The following RABEP1 variants were observed in gnomAD, a reference collection of about 807,000 sequenced individuals.
RABEP1 encodes rab GTPase-binding effector protein 1.
RABEP1 carries 51 observed loss-of-function variants against 123.4 expected under a neutral mutation model. The ratio of observed to expected loss-of-function variants is 0.41; its 90% CI spans 0.33 to 0.52. The LOEUF is 0.52. Among genes scored for constraint, RABEP1 ranks in the 20% least tolerant of loss-of-function variants. The pLI is 0.16. For synonymous variants in RABEP1, 347 were observed against 355.2 expected, an observed-to-expected ratio of 0.98 and a Z score of 0.26; for missense variants, 888 against 996.3, an observed-to-expected ratio of 0.89 and a Z score of 1.46.
chr17:5,358,176 G>A (rs560392070), intron 8 of RABEP1, among the ~76,000 whole-genome samples: 4 of 152,204 alleles, frequency 2.6e-5, no homozygotes, highest in Non-Finnish European at 5.9e-5. Context: ...AAGGCCTCCA[G>A]TAAATCAAAA....
intron 13 of RABEP1, among the ~76,000 whole-genome samples, chr17:5,373,846 TC>T (rs1910749739): frequency 3.9e-5 from 6 of 152,158 alleles, no homozygotes; most frequent in Admixed American, 3.9e-4. Context: ...TTCTGGACTT[TC>T]CTATGAATAG....
chr17:5,284,244 A>G (rs1207101961), intron 1 of RABEP1, among the ~76,000 whole-genome samples: 2 of 152,202 alleles, frequency 1.3e-5, no homozygotes, highest in Non-Finnish European at 2.9e-5. Context: ...GGCTAGGGAA[A>G]ACTAGCTTTA....
At chr17:5,319,327 C>CAAAAAAAAA (rs200353804) in intron 2 of RABEP1, among the ~76,000 whole-genome samples, 2 of 114,694 alleles carry the variant, frequency 1.7e-5, no homozygotes, top group East Asian at 2.9e-4. Flanking sequence ...GACTCTGTCT[C>CAAAAAAAAA]AAAAAAAAAA....
intron 5 of RABEP1, among the ~76,000 whole-genome samples, chr17:5,345,340 C>T (rs1030452516): frequency 2.4e-4 from 37 of 152,170 alleles, no homozygotes; most frequent in African/African-American, 8.7e-4. Context: ...TTTGTACCCT[C>T]TCCTTGTCAC....
At chr17:5,370,828 C>T (rs1164281271) in intron 12 of RABEP1, among the ~76,000 whole-genome samples, 3 of 151,978 alleles carry the variant, frequency 2.0e-5, no homozygotes, top group African/African-American at 7.3e-5. Context: ...TAAGTAAAGG[C>T]CAACATTTCT....
chr17:5,306,755 T>G (rs1264259271), intron 1 of RABEP1, among the ~76,000 whole-genome samples: 2 of 148,206 alleles, frequency 1.3e-5, no homozygotes, highest in Non-Finnish European at 3.0e-5. Flanking sequence ...GTCATTTGAT[T>G]GCTACTTTTT....
intron 8 of RABEP1, among the ~76,000 whole-genome samples, chr17:5,358,164 G>T (rs190374382): frequency 3.3e-5 from 5 of 152,248 alleles, no homozygotes; most frequent in Admixed American, 2.6e-4. Context: ...TTCACAGCCA[G>T]CAAGGCCTCC....
chr17:5,283,544 C>T (rs1037369693), intron 1 of RABEP1, among the ~76,000 whole-genome samples: 2 of 152,058 alleles, frequency 1.3e-5, no homozygotes, highest in African/African-American at 2.4e-5. Flanking sequence ...TGTGAAAGTA[C>T]TTTCTGGTGT....
At chr17:5,318,271 G>A (rs1266423766) in intron 2 of RABEP1, among the ~76,000 whole-genome samples, 6 of 152,102 alleles carry the variant, frequency 3.9e-5, no homozygotes, top group Non-Finnish European at 5.9e-5. Flanking sequence ...TATGATCTGA[G>A]TTATTTCCAG....
chr17:5,333,572 G>A (rs1906768976), intron 3 of RABEP1, among the ~76,000 whole-genome samples: 1 of 152,134 alleles, frequency 6.6e-6, no homozygotes, highest in Non-Finnish European at 1.5e-5. Flanking sequence ...GGTGAGGCTA[G>A]CCCTATTTCT....
At chr17:5,320,776 AT>A (rs1380082193) in intron 2 of RABEP1, among the ~76,000 whole-genome samples, 7 of 152,206 alleles carry the variant, frequency 4.6e-5, no homozygotes, top group African/African-American at 1.7e-4. Flanking sequence ...CCTATAATAG[AT>A]TGACTAAAAA....
Position 5,346,805 on chromosome 17 carries a change from CATT to C in RABEP1, c.667_669del (p.Tyr223del). ...CTTCTTTCAGGTTAAAGAACTGAATCATTATCTGGAAGCTGAGAAATCTTGTAG... is the reference window on the plus strand; with the variant it reads ...CTTCTTTCAGGTTAAAGAACTGAATCATCTGGAAGCTGAGAAATCTTGTAG... On this transcript the variant is annotated inframe_deletion, in exon 6 of 18. Coordinates refer to ENST00000537505, the MANE Select transcript of RABEP1 (RefSeq NM_004703.6). 6.4e-7 allele frequency: 1 copy of C among 1,572,334 alleles called. No homozygotes were observed. Among genetic ancestry groups the C allele is most frequent in the Non-Finnish European group, 8.6e-7 (1 of 1,156,822 alleles).
intron 8 of RABEP1, chr17:5,360,857 C>G: frequency 3.9e-6 from 1 of 254,418 alleles, no homozygotes; most frequent in Non-Finnish European, 7.6e-6. Flanking sequence ...AGGTGACGTT[C>G]CTCAACTGTT....
In RABEP1 at chr17:5,378,158, CTCATT is replaced by C. The variant is rs1567555102; in HGVS notation, c.2216-17_2216-13del. On this transcript the variant is annotated splice_polypyrimidine_tract_variant and intron_variant, in intron 14 of 17. Coordinates refer to ENST00000537505, the MANE Select transcript of RABEP1 (RefSeq NM_004703.6). Reference sequence around the variant, plus strand: ...CAATAATAGATGAATGCTAATACATCTCATTTTTTTCCTTCTAGCTTCTATTTCTA... The same window carrying C: ...CAATAATAGATGAATGCTAATACATCTTTTTCCTTCTAGCTTCTATTTCTA... 6.5e-7 allele frequency: 1 copy of C among 1,543,196 alleles called. No homozygotes were observed. Among genetic ancestry groups the C allele is most frequent in the South Asian group, 1.1e-5 (1 of 88,462 alleles).
chr17:5,360,216 G>C (rs1035047674), intron 8 of RABEP1, among the ~76,000 whole-genome samples: 1 of 152,188 alleles, frequency 6.6e-6, no homozygotes, highest in Non-Finnish European at 1.5e-5. Flanking sequence ...TTTTGCATCT[G>C]CTTTCGCATA....
At chr17:5,318,138 G>A (rs2075316655) in intron 2 of RABEP1, among the ~76,000 whole-genome samples, 1 of 152,180 alleles carries the variant, frequency 6.6e-6, no homozygotes, top group Admixed American at 6.5e-5. Flanking sequence ...TCAAACCTAA[G>A]GAGATGGTTG....
chr17:5,372,176 G>C (rs1910573284), intron 12 of RABEP1, among the ~76,000 whole-genome samples: 1 of 152,116 alleles, frequency 6.6e-6, no homozygotes, highest in African/African-American at 2.4e-5. Context: ...TGGGTGCGGT[G>C]GCTCACGCCT....
chr17:5,383,624 G>T lies in RABEP1; in HGVS notation c.*401G>T, dbSNP rs1223322212. On this transcript the variant is annotated 3_prime_UTR_variant, in exon 18 of 18. Coordinates refer to ENST00000537505, the MANE Select transcript of RABEP1 (RefSeq NM_004703.6). ...GAAGAGAGAATTTGCTTTATCTGTT[G>T]TCTAGAGCTCATCAGTAACAGTATT... 1 of 259,690 alleles carries T rather than the reference G, an allele frequency of 3.9e-6. No homozygotes were observed. Among genetic ancestry groups the T allele is most frequent in the East Asian group, 5.5e-5 (1 of 18,026 alleles). 16.1% of individuals were successfully genotyped at this position (259,690 alleles called of 1,614,324 possible).
chr17:5,381,306 T>C, intron 16 of RABEP1, 83 bp from the exon 17 acceptor site: 3 of 1,551,158 alleles, frequency 1.9e-6, no homozygotes, highest in Non-Finnish European at 2.6e-6. Context: ...TCTGCCCTAG[T>C]AGTAGGTAAC....
Sources: gnomAD v4.1 joint callset for allele counts (sites outside exome capture counted in the v4.1 genomes callset) on GRCh38, gnomAD v4.1.1 for gene constraint, MANE v1.5 for transcripts, NCBI Gene and HGNC (gene_info 2026-07-23, HGNC 2026-07-21) for gene names.